PVALB: variants seen among roughly 807,000 people sequenced by gnomAD.
PVALB encodes parvalbumin, also known as parvalbumin alpha.
Under a neutral mutation model 10.9 loss-of-function variants are expected in PVALB, and 11 were observed. That is an observed-to-expected ratio of 1.01 (90% CI 0.63 to 1.67). The LOEUF (loss-of-function observed/expected upper bound fraction) is 1.67, where lower values mean the gene tolerates loss of function less well. PVALB is among the 40% of genes most tolerant of loss of function. PVALB has a pLI of 0.00. For synonymous variants in PVALB, 57 were observed against 50.7 expected, an observed-to-expected ratio of 1.12 and a Z score of -0.53; for missense variants, 131 against 136.2, an observed-to-expected ratio of 0.96 and a Z score of 0.19.
In PVALB at chr22:36,806,505, G is replaced by A. The variant is rs1056796460; in HGVS notation, c.305-5587C>T. Among the ~76,000 whole-genome samples the A allele has an allele frequency of 3.3e-5, 5 of 152,188 alleles. No individual in the cohort carries two copies. In the East Asian group the frequency reaches 7.7e-4, roughly 24 times the overall value. On this transcript the variant is annotated intron_variant, in intron 3 of 3. Transcript: ENST00000417718. ...TGATGGCCCAAAGCGAAACTGAGCC[G>A]GCCATTGAGTCAGCGGCTGGAAGGC...
intron 3 of PVALB, among the ~76,000 whole-genome samples, chr22:36,812,336 A>G (rs1939059320): frequency 6.6e-6 from 1 of 152,172 alleles, no homozygotes; most frequent in African/African-American, 2.4e-5. Context: ...CTGGGGCTAG[A>G]AGGATGAATG....
chr22:36,801,429 C>A (rs572019655), intron 3 of PVALB, among the ~76,000 whole-genome samples: 1 of 152,328 alleles, frequency 6.6e-6, no homozygotes, highest in East Asian at 1.9e-4. Flanking sequence ...CGTGCCACTA[C>A]GTGTCTCTGA....
upstream of PVALB, chr22:36,817,635 C>T: frequency 6.5e-6 from 1 of 154,622 alleles, no homozygotes; most frequent in South Asian, 2.0e-4. Context: ...CAGGCAGGAG[C>T]TGCTGGGGCC....
chr22:36,817,297 G>A (rs1188608410), upstream of PVALB: 1 of 277,618 alleles, frequency 3.6e-6, no homozygotes, highest in Non-Finnish European at 6.7e-6. Context: ...CACGAGGGAA[G>A]GGGCCACCTC....
chr22:36,816,799 C>T (rs554041024), intron 1 of PVALB, 146 bp downstream of exon 1: 4 of 641,754 alleles, frequency 6.2e-6, no homozygotes, highest in Non-Finnish European at 1.0e-5. Context: ...GCCAAGGACG[C>T]CCCCGCCCCG....
intron 2 of PVALB, 73 bp downstream of exon 2, chr22:36,815,030 G>A: frequency 1.9e-6 from 3 of 1,574,672 alleles, no homozygotes; most frequent in Non-Finnish European, 2.6e-6. Flanking sequence ...TGGACACTTG[G>A]AAGCTAGAGT....
At chr22:36,808,642 C>T (rs1028315641) in intron 3 of PVALB, among the ~76,000 whole-genome samples, 6 of 152,222 alleles carry the variant, frequency 3.9e-5, no homozygotes, top group Non-Finnish European at 7.3e-5. Flanking sequence ...CCTAAGGAAT[C>T]AGAAACTCCT....
At chr22:36,802,623 A>AAAAAAAAAAAAAAAAG (rs1555910493) in intron 3 of PVALB, among the ~76,000 whole-genome samples, 1 of 119,044 alleles carries the variant, frequency 8.4e-6, no homozygotes. Context: ...AAAAAAAAAA[A>AAAAAAAAAAAAAAAAG]AAAGAAAGAA....
At chr22:36,816,765 T>G (rs950357041) in intron 1 of PVALB, among the ~76,000 whole-genome samples, 180 bp downstream of exon 1, 2 of 152,090 alleles carry the variant, frequency 1.3e-5, no homozygotes, top group Non-Finnish European at 2.9e-5. Context: ...GCGCCAAGCC[T>G]CGCCCGGACA....
intron 3 of PVALB, among the ~76,000 whole-genome samples, chr22:36,809,142 C>T (rs1939008195): frequency 6.6e-6 from 1 of 152,202 alleles, no homozygotes; most frequent in Non-Finnish European, 1.5e-5. Flanking sequence ...CTGGCACCTG[C>T]TACAGACAAG....
intron 3 of PVALB, among the ~76,000 whole-genome samples, chr22:36,802,555 C>T (rs748137654): frequency 3.1e-5 from 4 of 130,066 alleles, no homozygotes; most frequent in Non-Finnish European, 4.7e-5. Context: ...GAGCCGAGAT[C>T]GTGCCACTGC....
upstream of PVALB, among the ~76,000 whole-genome samples, chr22:36,818,954 C>G (rs907761260): frequency 6.6e-6 from 1 of 152,154 alleles, no homozygotes; most frequent in African/African-American, 2.4e-5. Context: ...AAGGCTGCAG[C>G]CTCAACAGGG....
intron 3 of PVALB, among the ~76,000 whole-genome samples, chr22:36,801,685 A>C (rs1453239962): frequency 2.0e-5 from 3 of 152,354 alleles, no homozygotes; most frequent in East Asian, 3.9e-4. Flanking sequence ...CTGTAATCCC[A>C]GCTACTCCAA....
At chr22:36,817,195 C>T (rs1601525807), upstream of PVALB, among the ~76,000 whole-genome samples, 1 of 152,108 alleles carries the variant, frequency 6.6e-6, no homozygotes, top group African/African-American at 2.4e-5. Flanking sequence ...CGCTGAGCAG[C>T]GCCGGCCGCC....
intron 3 of PVALB, among the ~76,000 whole-genome samples, chr22:36,811,815 C>T (rs963755428): frequency 2.0e-5 from 3 of 152,068 alleles, no homozygotes; most frequent in South Asian, 2.1e-4. Context: ...GGAGGATCTG[C>T]CAAGCACCAG....
intron 1 of PVALB, 110 bp downstream of exon 1, chr22:36,816,835 G>T: frequency 1.1e-6 from 1 of 934,178 alleles, no homozygotes; most frequent in Non-Finnish European, 1.5e-6. Flanking sequence ...AGCGGGAAGT[G>T]TGGGCAGAAG....
upstream of PVALB, among the ~76,000 whole-genome samples, chr22:36,818,098 C>T (rs990333712): frequency 2.6e-5 from 4 of 152,038 alleles, no homozygotes; most frequent in African/African-American, 4.8e-5. Flanking sequence ...AGTGTGTGAG[C>T]GCTGGACAGG....
At chr22:36,816,896 G>C in intron 1 of PVALB, 49 bp downstream of exon 1, 2 of 1,514,118 alleles carry the variant, frequency 1.3e-6, no homozygotes, top group Non-Finnish European at 1.8e-6. Context: ...GCAGGGGCGC[G>C]GGCGGTGGAC....
At chr22:36,804,875 A>C (rs1192286558) in intron 3 of PVALB, among the ~76,000 whole-genome samples, 1 of 152,210 alleles carries the variant, frequency 6.6e-6, no homozygotes, top group Non-Finnish European at 1.5e-5. Context: ...TGGAGATTGC[A>C]GTGAGCTAAG....
Sources: gnomAD v4.1 joint callset for allele counts (sites outside exome capture counted in the v4.1 genomes callset) on GRCh38, gnomAD v4.1.1 for gene constraint, MANE v1.5 for transcripts, NCBI Gene and HGNC (gene_info 2026-07-23, HGNC 2026-07-21) for gene names.